The following CD72 variants were observed in gnomAD, a reference collection of about 807,000 sequenced individuals.
The protein encoded by CD72 is B-cell differentiation antigen CD72.
A neutral mutation model predicts 50.7 loss-of-function variants in CD72; 28 were observed. The observed-to-expected ratio is 0.55, with a 90% CI of 0.41 to 0.76. CD72 has a LOEUF of 0.76. Ranked by LOEUF, CD72 falls within the 30% of genes least tolerant of loss-of-function variation. The pLI, the probability that CD72 is intolerant of heterozygous loss-of-function variation, is 0.00. For synonymous variants in CD72, 176 were observed against 171.2 expected (o/e 1.03, Z -0.22); for missense variants, 403 against 420.6 (o/e 0.96, Z 0.37).
intron 6 of CD72, 109 bp downstream of exon 6, chr9:35,612,739 A>T: frequency 1.0e-6 from 1 of 998,718 alleles, no homozygotes. Context: ...TCTTCCATGG[A>T]AAAGGAATGG....
At chr9:35,637,362 G>A (rs1384433002) in intron 1 of CD72, among the ~76,000 whole-genome samples, 1 of 152,190 alleles carries the variant, frequency 6.6e-6, no homozygotes, top group East Asian at 1.9e-4. Context: ...GAAGACCCGG[G>A]ACAGGAGGAC....
chr9:35,645,975 G>A (rs577649326), intron 1 of CD72, among the ~76,000 whole-genome samples: 10 of 152,128 alleles, frequency 6.6e-5, no homozygotes, highest in African/African-American at 2.4e-4. Context: ...TGCCCAACAT[G>A]GCGAAACCCT....
chr9:35,642,323 G>A (rs961474059), intron 1 of CD72, among the ~76,000 whole-genome samples: 2 of 152,208 alleles, frequency 1.3e-5, no homozygotes, highest in African/African-American at 4.8e-5. Flanking sequence ...AATACAGCTT[G>A]ATATTTAAGT....
Position 35,636,529 on chromosome 9 carries a change from T to C in CD72, n.408+9874A>G, listed in dbSNP as rs1357338756. Among the ~76,000 whole-genome samples, 3 of 152,150 alleles carry C rather than the reference T, an allele frequency of 2.0e-5. No homozygotes were observed. The East Asian group carries it at 5.8e-4, about 29-fold the overall frequency. ...AGAAATGAGAATCACTTAAATCTGTTCCCTCCTTGTAACAAAACCAAGCTG... is the reference window on the plus strand; with the variant it reads ...AGAAATGAGAATCACTTAAATCTGTCCCCTCCTTGTAACAAAACCAAGCTG... On this transcript the variant is annotated intron_variant and non_coding_transcript_variant, in intron 1 of 3. Coordinates refer to the CD72 transcript ENST00000465754.
upstream of CD72, among the ~76,000 whole-genome samples, chr9:35,624,341 C>A (rs1361428981): frequency 6.6e-6 from 1 of 151,702 alleles, no homozygotes; most frequent in Non-Finnish European, 1.5e-5. Context: ...AAGCCAGCGA[C>A]CTGGACATCA....
At chr9:35,626,737 G>T (rs191028126) in intron 1 of CD72, among the ~76,000 whole-genome samples, 9 of 152,282 alleles carry the variant, frequency 5.9e-5, no homozygotes, top group African/African-American at 2.2e-4. Context: ...ATTCACTGAA[G>T]GCTCAGATGA....
intron 1 of CD72, among the ~76,000 whole-genome samples, chr9:35,634,471 G>A (rs1823272454): frequency 6.6e-6 from 1 of 152,150 alleles, no homozygotes. Context: ...TCCTGCCTCA[G>A]CCTCCCAAGT....
chr9:35,642,866 G>T (rs1022827753), intron 1 of CD72: 1 of 152,108 alleles, frequency 6.6e-6, no homozygotes, highest in Non-Finnish European at 1.5e-5. Context: ...CACCCAATCT[G>T]CTCCTGATAT....
In CD72 at chr9:35,635,334, A is replaced by G. The variant is rs1250121819; in HGVS notation, n.408+11069T>C. On this transcript the variant is annotated intron_variant and non_coding_transcript_variant, in intron 1 of 3. Coordinates refer to the CD72 transcript ENST00000465754. ...TGGAACCCACAGCATTTGCAGGTTA[A>G]GTCTACTCTATCTGTTCCAGGCTTC... 3.3e-5 allele frequency among the ~76,000 whole-genome samples: 5 copies of G among 152,196 alleles called. No homozygotes were observed. In the East Asian group the frequency reaches 9.6e-4, roughly 29 times the overall value.
intron 1 of CD72, among the ~76,000 whole-genome samples, chr9:35,645,665 T>C (rs1421115111): frequency 2.0e-5 from 3 of 152,136 alleles, no homozygotes; most frequent in African/African-American, 7.2e-5. Context: ...ACTCTATAAA[T>C]ACATACACCT....
At chr9:35,636,310 A>G (rs562610430) in intron 1 of CD72, among the ~76,000 whole-genome samples, 1 of 152,190 alleles carries the variant, frequency 6.6e-6, no homozygotes, top group East Asian at 1.9e-4. Context: ...CTTTGGTTCT[A>G]TTTGACTTTT....
chr9:35,645,199 CAA>C (rs539705878), intron 1 of CD72, among the ~76,000 whole-genome samples: 38 of 95,090 alleles, frequency 4.0e-4, no homozygotes, highest in Admixed American at 6.6e-4. Flanking sequence ...AACTCCGTCT[CAA>C]AAAAAAAAAA....
At chr9:35,633,727 A>G (rs1286182481) in intron 1 of CD72, among the ~76,000 whole-genome samples, 2 of 152,132 alleles carry the variant, frequency 1.3e-5, no homozygotes, top group Non-Finnish European at 2.9e-5. Context: ...CTCTTGTTTG[A>G]TATCAGTACA....
At chr9:35,611,047 C>T (rs1036019347) in intron 7 of CD72, among the ~76,000 whole-genome samples, 3 of 152,136 alleles carry the variant, frequency 2.0e-5, no homozygotes, top group Non-Finnish European at 4.4e-5. Flanking sequence ...GTCAGGACAT[C>T]GAGACCATCC....
chr9:35,632,592 T>C (rs1753478760), intron 1 of CD72, among the ~76,000 whole-genome samples: 2 of 151,628 alleles, frequency 1.3e-5, no homozygotes, highest in South Asian at 2.1e-4. Context: ...TTTTTTTTTT[T>C]TCGAGAGGGA....
chr9:35,619,170 C>A (rs1204463989), upstream of CD72, among the ~76,000 whole-genome samples: 3 of 152,206 alleles, frequency 2.0e-5, no homozygotes, highest in Non-Finnish European at 4.4e-5. Context: ...TGTCCCTTCC[C>A]ACCCAGCCCC....
chr9:35,633,267 T>C (rs1823262690), intron 1 of CD72, among the ~76,000 whole-genome samples: 1 of 151,696 alleles, frequency 6.6e-6, no homozygotes, highest in Non-Finnish European at 1.5e-5. Flanking sequence ...GTTTTTTGTT[T>C]TTTTTTTTTC....
intron 1 of CD72, among the ~76,000 whole-genome samples, chr9:35,644,097 A>T (rs11793022): frequency 0.099 from 15,069 of 151,662 alleles, 1,108 homozygotes; most frequent in East Asian, 0.39. Flanking sequence ...CTGTAATCCC[A>T]ACACTTTGGG....
intron 3 of CD72, chr9:35,616,973 T>C (rs1823073681): frequency 2.8e-6 from 4 of 1,439,402 alleles, no homozygotes; most frequent in Non-Finnish European, 3.6e-6. Context: ...GGTAGGTGAA[T>C]TGGGACCATC....
Sources: gnomAD v4.1 joint callset for allele counts (sites outside exome capture counted in the v4.1 genomes callset) on GRCh38, gnomAD v4.1.1 for gene constraint, MANE v1.5 for transcripts, NCBI Gene and HGNC (gene_info 2026-07-23, HGNC 2026-07-21) for gene names.